Variants in TENM3 observed in about 807,000 individuals in gnomAD.
TENM3 encodes the protein teneurin transmembrane protein 3.
In TENM3, 63 loss-of-function variants were observed where a neutral mutation model predicts 255.1. The ratio of observed to expected loss-of-function variants is 0.25; its 90% CI spans 0.20 to 0.30. The LOEUF is 0.30. TENM3 is among the 10% of genes least tolerant of loss of function. TENM3 has a pLI of 1.00. For synonymous variants in TENM3, 1,306 were observed against 1,322.3 expected (o/e 0.99, Z 0.27); for missense variants, 2,929 against 3,461.1 (o/e 0.85, Z 3.86).
At chr4:182,383,816 A>T (rs1767728310) in intron 3 of TENM3, among the ~76,000 whole-genome samples, 1 of 152,192 alleles carries the variant, frequency 6.6e-6, no homozygotes, top group African/African-American at 2.4e-5. Flanking sequence ...CACATAGACC[A>T]ATGGAACAGA....
At chr4:181,925,982 G>A in the TENM3 span, among the ~76,000 whole-genome samples, 1 of 152,162 alleles carries the variant, frequency 6.6e-6, no homozygotes, top group African/African-American at 2.4e-5. Flanking sequence ...TTTGTAAACA[G>A]CCTTGTTTTG....
the TENM3 span, among the ~76,000 whole-genome samples, chr4:181,732,964 T>G: frequency 6.6e-6 from 1 of 152,216 alleles, no homozygotes; most frequent in Non-Finnish European, 1.5e-5. Context: ...GTTGTTGCTT[T>G]ATCCATTATT....
intron 10 of TENM3, 131 bp downstream of exon 10, chr4:182,680,868 A>G (rs1756118692): frequency 1.6e-6 from 1 of 618,124 alleles, no homozygotes; most frequent in Non-Finnish European, 2.6e-6. Flanking sequence ...ATCCATGTTT[A>G]TGAATGCATT....
chr4:181,757,442 T>C, the TENM3 span, among the ~76,000 whole-genome samples: 1 of 152,148 alleles, frequency 6.6e-6, no homozygotes, highest in African/African-American at 2.4e-5. Context: ...AAGGTGTAAT[T>C]CAAGCCTGAA....
chr4:182,736,962 T>C lies in TENM3; in HGVS notation c.3122T>C (p.Val1041Ala). The C allele has an allele frequency of 6.2e-7, 1 of 1,613,930 alleles. No homozygotes were observed. The highest frequency in any genetic ancestry group is 2.2e-5 in the East Asian group (1 of 44,858). ...LMKVHLMVAV[V>A]GRLFQKWFPA... ...AAGGTTCATCTTATGGTAGCTGTAG[T>C]AGGAAGACTCTTCCAAAAGTGGTTT... The change falls in exon 17 of 28, where the codon GTA (valine) becomes GCA (alanine). Residue 1041 changes from valine (V) to alanine (A), a missense_variant. This residue lies in a region of TENM3 where 1,608 missense variants were observed against 1,884.4 expected (regional missense o/e 0.85). Transcript: ENST00000511685.
At chr4:181,616,331 A>ACAC in the TENM3 span, among the ~76,000 whole-genome samples, 1 of 144,486 alleles carries the variant, frequency 6.9e-6, no homozygotes, top group African/African-American at 2.6e-5. Context: ...ACACACACAC[A>ACAC]CACACACACA....
At chr4:182,269,773 G>C (rs1759490154) in intron 1 of TENM3, among the ~76,000 whole-genome samples, 1 of 152,152 alleles carries the variant, frequency 6.6e-6, no homozygotes, top group Admixed American at 6.5e-5. Flanking sequence ...AAGATTTAAA[G>C]AGGTTTATTC....
At chr4:182,012,266 A>C in the TENM3 span, among the ~76,000 whole-genome samples, 1 of 152,220 alleles carries the variant, frequency 6.6e-6, no homozygotes, top group East Asian at 1.9e-4. Flanking sequence ...TCTAGTCCAG[A>C]ACTCACAGAA....
Position 182,779,000 on chromosome 4 carries a change from G to A in TENM3, c.5304+3847G>A, listed in dbSNP as rs187977138. Among the ~76,000 whole-genome samples, 657 of 144,728 alleles carry A rather than the reference G, an allele frequency of 4.5e-3. 7 individuals are homozygous for A. The highest frequency in any genetic ancestry group is 0.016 in the African/African-American group (626 of 38,988). The allele number at this position is 144,728 out of a possible 152,430, so 94.9% of individuals were successfully genotyped here. A position where few individuals can be genotyped will look rare whatever the true frequency, so the allele number is the denominator to read the frequency against. Reference sequence around the variant, plus strand: ...TTAGTACTTTTAGTTTTATTTTAGAGACAGATTTTGTTACTGGTTTTACTA... The same window carrying A: ...TTAGTACTTTTAGTTTTATTTTAGAAACAGATTTTGTTACTGGTTTTACTA... On this transcript the variant is annotated intron_variant, in intron 24 of 27. Coordinates refer to ENST00000511685, the MANE Select transcript of TENM3 (RefSeq NM_001080477.4).
intron 13 of TENM3, among the ~76,000 whole-genome samples, chr4:182,717,332 TG>T (rs1228305489): frequency 6.6e-6 from 1 of 152,180 alleles, no homozygotes; most frequent in Admixed American, 6.5e-5. Context: ...AGAACGTAGA[TG>T]GGGGCGACTT....
At chr4:182,568,679 T>C (rs1321443042) in intron 3 of TENM3, among the ~76,000 whole-genome samples, 2 of 152,050 alleles carry the variant, frequency 1.3e-5, no homozygotes, top group Non-Finnish European at 2.9e-5. Context: ...AAAACACAGG[T>C]GAAAAACTGT....
At chr4:181,922,908 G>A in the TENM3 span, among the ~76,000 whole-genome samples, 3 of 152,046 alleles carry the variant, frequency 2.0e-5, no homozygotes, top group Admixed American at 2.0e-4. Flanking sequence ...TGCTTTGAAT[G>A]TGTCCCAGAG....
At position 182,502,910 on chromosome 4, in the gene TENM3, CT is replaced by C. The variant is rs10671906; in HGVS notation, c.512-97988del. On this transcript the variant is annotated intron_variant, in intron 3 of 27. Coordinates refer to ENST00000511685, the MANE Select transcript of TENM3 (RefSeq NM_001080477.4). Reference sequence around the variant, plus strand: ...TGTTTTGTGATTGGATGAAGTCAGCCTTTTTTTTTTTTTTTTTTTTTTTTTT... The same window carrying C: ...TGTTTTGTGATTGGATGAAGTCAGCCTTTTTTTTTTTTTTTTTTTTTTTTT... 8.4e-3 allele frequency among the ~76,000 whole-genome samples: 653 copies of C among 77,354 alleles called. 5 individuals are homozygous for C. The highest frequency in any genetic ancestry group is 0.036 in the African/African-American group (574 of 16,120). 50.7% of individuals were successfully genotyped at this position (77,354 alleles called of 152,430 possible).
chr4:182,787,761 A>T (rs940215797), intron 24 of TENM3, among the ~76,000 whole-genome samples: 1 of 149,472 alleles, frequency 6.7e-6, no homozygotes, highest in African/African-American at 2.5e-5. Context: ...AAAAAAAAAA[A>T]AGATGTGATT....
At chr4:182,093,538 G>T in the TENM3 span, among the ~76,000 whole-genome samples, 1 of 152,198 alleles carries the variant, frequency 6.6e-6, no homozygotes, top group Non-Finnish European at 1.5e-5. Context: ...GGAGGAGGCA[G>T]AGTGCAGAGA....
At chr4:182,218,418 T>C (rs979572511) in intron 1 of TENM3, among the ~76,000 whole-genome samples, 2 of 152,230 alleles carry the variant, frequency 1.3e-5, no homozygotes, top group African/African-American at 2.4e-5. Context: ...GATAACTTCC[T>C]GGGTGTTAGT....
the TENM3 span, among the ~76,000 whole-genome samples, chr4:181,564,430 C>G: frequency 2.0e-5 from 3 of 152,048 alleles, no homozygotes; most frequent in African/African-American, 7.2e-5. Context: ...AACTATTAAA[C>G]AAGGGGCAGA....
In TENM3 at chr4:182,184,324, A is replaced by C. The variant is rs190054339; in HGVS notation, c.-76+39570A>C. On this transcript the variant is annotated intron_variant, in intron 1 of 2. Coordinates refer to the TENM3 transcript ENST00000512480. ...CTGGGCCTCTGGGGAGTTACATAGG[A>C]TGTTTCTTTCTTTAAAGAGTTTTCA... 6.0e-3 allele frequency among the ~76,000 whole-genome samples: 913 copies of C among 152,242 alleles called. 5 individuals carry two copies. The highest frequency in any genetic ancestry group is 9.6e-3 in the Non-Finnish European group (652 of 68,006).
the TENM3 span, among the ~76,000 whole-genome samples, chr4:181,742,445 G>A: frequency 6.6e-6 from 1 of 151,966 alleles, no homozygotes; most frequent in Non-Finnish European, 1.5e-5. Flanking sequence ...TTATGTACCA[G>A]GAACTATTTC....
Sources: gnomAD v4.1 joint callset for allele counts (sites outside exome capture counted in the v4.1 genomes callset) on GRCh38, gnomAD v4.1.1 for gene constraint, gnomAD v4.1.1 regional missense constraint, MANE v1.5 for transcripts, NCBI Gene and HGNC (gene_info 2026-07-23, HGNC 2026-07-21) for gene names.